Variants in PTPRA observed in about 807,000 individuals in gnomAD.
PTPRA encodes the protein receptor-type tyrosine-protein phosphatase alpha.
Under a neutral mutation model 104.8 loss-of-function variants are expected in PTPRA, and 25 were observed. That is an observed-to-expected ratio of 0.24 (90% CI 0.17 to 0.33). PTPRA has a LOEUF of 0.33. PTPRA is among the 10% of genes least tolerant of loss of function. PTPRA has a pLI of 1.00. For synonymous variants in PTPRA, 323 were observed against 368.9 expected (o/e 0.88, Z 1.43); for missense variants, 765 against 1,015.3 (o/e 0.75, Z 3.35).
In PTPRA at chr20:2,987,134, A is replaced by G. The variant is rs560550332; in HGVS notation, c.527+285A>G. Among the ~76,000 whole-genome samples, 20 of 152,272 alleles carry G rather than the reference A, an allele frequency of 1.3e-4. No homozygotes were observed. The South Asian group carries it at 1.9e-3, about 14-fold the overall frequency. On this transcript the variant is annotated intron_variant, in intron 7 of 23. Coordinates refer to ENST00000399903, the MANE Select transcript of PTPRA (RefSeq NM_001385305.1). ...AGAATGGTAGTTTGGAGGTTGAGGT[A>G]AGAAACCGCAGTTTGTTATTAGTGA...
At chr20:2,968,392 G>C (rs1291082979) in intron 5 of PTPRA, among the ~76,000 whole-genome samples, 1 of 151,878 alleles carries the variant, frequency 6.6e-6, no homozygotes, top group African/African-American at 2.4e-5. Context: ...CTTGATGTGG[G>C]TCTTTTTCGT....
Position 2,985,571 on chromosome 20 carries a change from A to G in PTPRA, c.443-1194A>G, listed in dbSNP as rs566712400. 9.9e-5 allele frequency among the ~76,000 whole-genome samples: 15 copies of G among 152,266 alleles called. No individual in the cohort carries two copies. The East Asian group carries it at 2.9e-3, about 29-fold the overall frequency. On this transcript the variant is annotated intron_variant, in intron 6 of 23. Coordinates refer to ENST00000399903, the MANE Select transcript of PTPRA (RefSeq NM_001385305.1). ...GATGAGTCAGTGCCTGGCCAGCTGCATGAGAAAACAAGGCTAGGTATTGGG... is the reference window on the plus strand; with the variant it reads ...GATGAGTCAGTGCCTGGCCAGCTGCGTGAGAAAACAAGGCTAGGTATTGGG...
chr20:2,881,658 C>G (rs1337404952), intron 1 of PTPRA, among the ~76,000 whole-genome samples: 1 of 152,114 alleles, frequency 6.6e-6, no homozygotes. Flanking sequence ...TGGGACTACA[C>G]ATGTGAACCA....
chr20:2,880,749 G>A (rs2089998487), intron 1 of PTPRA, among the ~76,000 whole-genome samples: 1 of 152,156 alleles, frequency 6.6e-6, no homozygotes, highest in African/African-American at 2.4e-5. Context: ...CCAGCTGCAC[G>A]GTGGCTCACA....
chr20:2,908,861 C>T (rs541709722), intron 1 of PTPRA, among the ~76,000 whole-genome samples: 17 of 152,156 alleles, frequency 1.1e-4, no homozygotes, highest in African/African-American at 2.9e-4. Flanking sequence ...AAAATAATAA[C>T]GACTTTTAGT....
chr20:3,018,408 T>G (rs1478988628), intron 13 of PTPRA, among the ~76,000 whole-genome samples: 1 of 151,258 alleles, frequency 6.6e-6, no homozygotes, highest in Non-Finnish European at 1.5e-5. Context: ...TACTTGAGAT[T>G]AGGGAGTGGT....
At chr20:2,977,502 C>A (rs976430151) in intron 6 of PTPRA, among the ~76,000 whole-genome samples, 2 of 151,548 alleles carry the variant, frequency 1.3e-5, no homozygotes, top group Non-Finnish European at 2.9e-5. Flanking sequence ...AAAAATTAAC[C>A]AGGCATGTGG....
At chr20:2,873,408 A>T (rs6051455), upstream of PTPRA, 2 of 151,936 alleles carry the variant, frequency 1.3e-5, no homozygotes, top group Non-Finnish European at 2.9e-5. The surrounding 1 kb of genome is among the most constrained non-coding windows in gnomAD (Gnocchi z 4.4). Context: ...CGGGCCGGAG[A>T]CGCCCGTTCG....
intron 5 of PTPRA, among the ~76,000 whole-genome samples, chr20:2,973,779 A>G (rs2062296517): frequency 6.6e-6 from 1 of 152,114 alleles, no homozygotes; most frequent in Non-Finnish European, 1.5e-5. Flanking sequence ...AGGAGTCTCA[A>G]ATATAGTCTG....
chr20:2,894,830 C>G (rs920729793), intron 1 of PTPRA, among the ~76,000 whole-genome samples: 6 of 151,850 alleles, frequency 4.0e-5, no homozygotes, highest in Admixed American at 1.3e-4. Flanking sequence ...ACTAAAAATA[C>G]AAATAAATTG....
At chr20:2,964,241 A>T in intron 3 of PTPRA, 31 bp from the exon 4 acceptor site, 1 of 1,518,002 alleles carries the variant, frequency 6.6e-7, no homozygotes, top group Non-Finnish European at 9.1e-7. Context: ...ATAATATAGG[A>T]CCTCATCTAA....
intron 2 of PTPRA, among the ~76,000 whole-genome samples, chr20:2,939,689 G>C (rs2060833157): frequency 6.6e-6 from 1 of 152,162 alleles, no homozygotes; most frequent in Admixed American, 6.5e-5. Flanking sequence ...CAAAAAAGTA[G>C]GGAGCTTCCT....
intron 1 of PTPRA, 143 bp from the exon 2 acceptor site, chr20:2,923,064 T>A: frequency 3.5e-6 from 1 of 285,774 alleles, no homozygotes; most frequent in South Asian, 3.1e-5. Context: ...TAGCTGGGAT[T>A]ATAGGCATGT....
chr20:3,021,879 TA>T (rs1455340487), intron 14 of PTPRA, among the ~76,000 whole-genome samples, 174 bp from the exon 15 acceptor site: 4 of 152,218 alleles, frequency 2.6e-5, no homozygotes, highest in African/African-American at 9.6e-5. Context: ...CACTGCATTT[TA>T]GTTCTGACCC....
chr20:3,019,837 C>T (rs1046263945), intron 13 of PTPRA, among the ~76,000 whole-genome samples: 7 of 152,172 alleles, frequency 4.6e-5, no homozygotes, highest in Middle Eastern at 3.4e-3. Flanking sequence ...CTCGGGAGGC[C>T]GAGGCTGGCA....
Position 3,017,838 on chromosome 20 carries a change from T to C in PTPRA, c.966T>C (p.Asn322=). ...AAQGPKEETV[N]DFWRMIWEQN... is the part of the protein sequence containing the mutation. ...TAGGACCAAAAGAAGAAACGGTGAA[T>C]GATTTCTGGCGGATGATCTGGGAAC... The change falls in exon 13 of 24, where the codon AAT becomes AAC. Residue 322 remains asparagine (N), a synonymous_variant. Coordinates refer to ENST00000399903, the MANE Select transcript of PTPRA (RefSeq NM_001385305.1). 3 of 1,614,218 alleles carry C rather than the reference T, an allele frequency of 1.9e-6. No homozygotes were observed. Among genetic ancestry groups the C allele is most frequent in the Non-Finnish European group, 2.5e-6 (3 of 1,180,034 alleles).
intron 6 of PTPRA, among the ~76,000 whole-genome samples, chr20:2,982,781 C>G (rs532727417): frequency 1.3e-5 from 2 of 151,954 alleles, no homozygotes; most frequent in Admixed American, 6.6e-5. Context: ...ACTACAACCT[C>G]TGCCCCCCAG....
intron 3 of PTPRA, among the ~76,000 whole-genome samples, chr20:2,959,607 A>T (rs915999532): frequency 1.3e-5 from 2 of 152,206 alleles, no homozygotes; most frequent in African/African-American, 4.8e-5. Context: ...AAATTAAAAT[A>T]GACTTTGTGT....
intron 1 of PTPRA, among the ~76,000 whole-genome samples, chr20:2,906,985 T>C (rs1039228015): frequency 6.6e-5 from 10 of 152,172 alleles, no homozygotes; most frequent in African/African-American, 2.4e-4. Flanking sequence ...GTCCTAAAAA[T>C]TATTCTGGAA....
Sources: gnomAD v4.1 joint callset for allele counts (sites outside exome capture counted in the v4.1 genomes callset) on GRCh38, gnomAD v4.1.1 for gene constraint, Gnocchi (gnomAD v3.1) non-coding constraint, MANE v1.5 for transcripts, NCBI Gene and HGNC (gene_info 2026-07-23, HGNC 2026-07-21) for gene names.